Variants in PSD3 observed in about 807,000 individuals in gnomAD.
PSD3 encodes pleckstrin and Sec7 domain containing 3, also known as PH and SEC7 domain-containing protein 3.
PSD3 carries 49 observed loss-of-function variants against 105.5 expected under a neutral mutation model. The observed-to-expected ratio is 0.46, with a 90% CI of 0.37 to 0.59. The LOEUF is 0.59. Among genes scored for constraint, PSD3 ranks in the 20% least tolerant of loss-of-function variants. PSD3 has a pLI of 0.00. For missense variants in PSD3, 1,561 were observed against 1,263.8 expected, an observed-to-expected ratio of 1.24 and a Z score of -3.57; for synonymous variants, 557 against 457.8, an observed-to-expected ratio of 1.22 and a Z score of -2.77.
chr8:18,836,437 TCAAACA>T (rs1465212000), intron 4 of PSD3, among the ~76,000 whole-genome samples: 4 of 152,204 alleles, frequency 2.6e-5, no homozygotes, highest in Non-Finnish European at 5.9e-5. Context: ...ACATGCAAAC[TCAAACA>T]CAAACACACA....
intron 9 of PSD3, among the ~76,000 whole-genome samples, chr8:18,741,265 T>A (rs986187155): frequency 6.6e-6 from 1 of 152,156 alleles, no homozygotes; most frequent in Non-Finnish European, 1.5e-5. Context: ...CAAGATGCGA[T>A]GTCATCTCCA....
intron 4 of PSD3, among the ~76,000 whole-genome samples, chr8:18,848,846 C>T (rs369978266): frequency 4.6e-5 from 7 of 152,172 alleles, no homozygotes; most frequent in Admixed American, 3.9e-4. Flanking sequence ...AAAAATGTGG[C>T]AACTGCCATT....
At position 18,823,045 on chromosome 8, in the gene PSD3, T is replaced by A. The variant is rs542453222; in HGVS notation, c.1635-18147A>T. On this transcript the variant is annotated intron_variant, in intron 4 of 15. Coordinates refer to ENST00000327040, the MANE Select transcript of PSD3 (RefSeq NM_015310.4). ...TATTATTTCTAAAGCATATAATAGA[T>A]AATATTAATCTGGTTTTATAAAGAA... Among the ~76,000 whole-genome samples, 168 of 148,182 alleles carry A rather than the reference T, an allele frequency of 1.1e-3. 2 individuals are homozygous for A. Among genetic ancestry groups the A allele is most frequent in the African/African-American group, 4.0e-3 (160 of 40,000 alleles).
At chr8:18,795,628 C>A (rs1245866092) in intron 8 of PSD3, among the ~76,000 whole-genome samples, 2 of 152,160 alleles carry the variant, frequency 1.3e-5, no homozygotes, top group Non-Finnish European at 2.9e-5. Flanking sequence ...CACTGCTATG[C>A]AATTCTATAC....
chr8:18,843,772 G>A (rs1405084383), intron 4 of PSD3, among the ~76,000 whole-genome samples: 1 of 152,160 alleles, frequency 6.6e-6, no homozygotes, highest in East Asian at 1.9e-4. Flanking sequence ...TGGTGGTGAT[G>A]GTGATGAATG....
chr8:18,947,845 T>C (rs1189748562), intron 1 of PSD3, among the ~76,000 whole-genome samples: 2 of 152,180 alleles, frequency 1.3e-5, no homozygotes, highest in East Asian at 1.9e-4. Flanking sequence ...AAGTGTGACA[T>C]AGAAAGCTGG....
intron 12 of PSD3, among the ~76,000 whole-genome samples, chr8:18,590,450 C>T (rs1056444338): frequency 5.3e-5 from 8 of 152,116 alleles, no homozygotes; most frequent in African/African-American, 1.7e-4. Context: ...AAAATGAATC[C>T]TTTCAGATCC....
rs140451692 is a variant in PSD3 at position 18,759,687 on chromosome 8, G to A, written c.2172+5762C>T. On this transcript the variant is annotated intron_variant, in intron 9 of 15. Coordinates refer to ENST00000327040, the MANE Select transcript of PSD3 (RefSeq NM_015310.4). Reference sequence around the variant, plus strand: ...TGGGATAGAAAACAATTGGGTTCATGTCATATCAAAATCTACAGTCTAGAT... The same window carrying A: ...TGGGATAGAAAACAATTGGGTTCATATCATATCAAAATCTACAGTCTAGAT... Among the ~76,000 whole-genome samples, 667 of 152,198 alleles carry A rather than the reference G, an allele frequency of 4.4e-3. 4 individuals carry two copies. Among genetic ancestry groups the A allele is most frequent in the Middle Eastern group, 0.014 (4 of 294 alleles).
intron 1 of PSD3, among the ~76,000 whole-genome samples, chr8:18,985,140 GC>G: frequency 6.6e-6 from 1 of 152,276 alleles, no homozygotes; most frequent in Admixed American, 6.5e-5. Flanking sequence ...CGCCATGTTG[GC>G]CAGGTTGGTC....
At chr8:18,878,655 T>C (rs2129458365) in intron 2 of PSD3, among the ~76,000 whole-genome samples, 1 of 152,350 alleles carries the variant, frequency 6.6e-6, no homozygotes, top group Middle Eastern at 3.4e-3. Context: ...CAGATTATTT[T>C]CACATTTCAA....
At chr8:19,022,790 T>C (rs998961530) in intron 1 of PSD3, among the ~76,000 whole-genome samples, 1 of 151,810 alleles carries the variant, frequency 6.6e-6, no homozygotes, top group Non-Finnish European at 1.5e-5. Flanking sequence ...TGTTCTTCTC[T>C]CATTAGCACT....
chr8:18,669,622 C>T (rs944914630), intron 9 of PSD3, among the ~76,000 whole-genome samples: 2 of 152,192 alleles, frequency 1.3e-5, no homozygotes, highest in African/African-American at 2.4e-5. Context: ...CATGGGATGG[C>T]ACACGACAGT....
At chr8:18,959,583 T>G (rs1383977199) in intron 1 of PSD3, among the ~76,000 whole-genome samples, 1 of 124,454 alleles carries the variant, frequency 8.0e-6, no homozygotes, top group East Asian at 2.3e-4. Flanking sequence ...CGGTATTTAA[T>G]GCCTATGACT....
At chr8:18,618,887 T>A (rs140334649) in intron 11 of PSD3, among the ~76,000 whole-genome samples, 99 of 152,204 alleles carry the variant, frequency 6.5e-4, no homozygotes, top group African/African-American at 2.2e-3. Flanking sequence ...GGTCTTAATA[T>A]GTTGCTCAGG....
chr8:18,862,498 T>G (rs1010577370), intron 4 of PSD3, among the ~76,000 whole-genome samples: 10 of 151,926 alleles, frequency 6.6e-5, no homozygotes, highest in South Asian at 4.1e-4. Flanking sequence ...ATTAAAGAGA[T>G]TACTGGAGCA....
At chr8:18,787,350 G>A (rs77290280) in intron 8 of PSD3, among the ~76,000 whole-genome samples, 2,481 of 152,174 alleles carry the variant, frequency 0.016, 69 homozygotes, top group African/African-American at 0.055. Context: ...GCATTGAGAG[G>A]TACAGAAATG....
intron 10 of PSD3, among the ~76,000 whole-genome samples, chr8:18,652,626 T>C (rs1256255756): frequency 6.6e-6 from 1 of 150,924 alleles, no homozygotes; most frequent in Non-Finnish European, 1.5e-5. Context: ...GCCTCCTGAG[T>C]AGCTGGGATT....
chr8:18,643,090 A>G (rs1807771978), intron 10 of PSD3, among the ~76,000 whole-genome samples: 1 of 152,156 alleles, frequency 6.6e-6, no homozygotes, highest in South Asian at 2.1e-4. Context: ...ACGAATGGTG[A>G]CTTATTTCTT....
intron 1 of PSD3, among the ~76,000 whole-genome samples, chr8:18,996,604 GCAT>G (rs941646069): frequency 5.3e-5 from 8 of 151,840 alleles, no homozygotes; most frequent in African/African-American, 1.5e-4. Context: ...ACTACATGAA[GCAT>G]CATATTTTTT....
Sources: gnomAD v4.1 joint callset for allele counts (sites outside exome capture counted in the v4.1 genomes callset) on GRCh38, gnomAD v4.1.1 for gene constraint, MANE v1.5 for transcripts, NCBI Gene and HGNC (gene_info 2026-07-23, HGNC 2026-07-21) for gene names.